The following ADCY10 variants were observed in gnomAD, a reference collection of about 807,000 sequenced individuals.
ADCY10 encodes adenylate cyclase type 10.
Under a neutral mutation model 183.3 loss-of-function variants are expected in ADCY10, and 156 were observed. The ratio of observed to expected loss-of-function variants is 0.85; its 90% CI spans 0.75 to 0.97. The LOEUF (loss-of-function observed/expected upper bound fraction) is 0.97, where lower values mean the gene tolerates loss of function less well. ADCY10 is among the 50% of genes least tolerant of loss of function. The probability of loss-of-function intolerance (pLI) is 0.00; values close to 1 mark genes in which losing one functional copy is unlikely to be tolerated. For synonymous variants in ADCY10, 645 were observed against 670.0 expected, an observed-to-expected ratio of 0.96 and a Z score of 0.58; for missense variants, 1,745 against 1,934.3, an observed-to-expected ratio of 0.90 and a Z score of 1.84.
chr1:167,863,208 C>T (rs533187998), intron 14 of ADCY10, among the ~76,000 whole-genome samples: 188 of 152,304 alleles, frequency 1.2e-3, no homozygotes, highest in Middle Eastern at 6.8e-3. Flanking sequence ...CCTGGGCCTG[C>T]CTGACCTAAG....
intron 18 of ADCY10, 36 bp from the exon 19 acceptor site, chr1:167,848,525 T>C: frequency 6.2e-7 from 1 of 1,611,540 alleles, no homozygotes; most frequent in Non-Finnish European, 8.5e-7. Context: ...AGTTGAGTCA[T>C]TATCCTGTCT....
intron 14 of ADCY10, among the ~76,000 whole-genome samples, chr1:167,864,195 G>T (rs918775421): frequency 6.6e-6 from 1 of 152,122 alleles, no homozygotes; most frequent in South Asian, 2.1e-4. Context: ...CTTTTTACCC[G>T]TTCTTTGTTT....
intron 1 of ADCY10, among the ~76,000 whole-genome samples, chr1:167,911,991 A>G (rs1670175099): frequency 6.6e-6 from 1 of 152,242 alleles, no homozygotes; most frequent in South Asian, 2.1e-4. Context: ...TCTAAAATAA[A>G]TATCTGGGAG....
chr1:167,848,223 G>A, intron 19 of ADCY10, 138 bp downstream of exon 19: 2 of 639,800 alleles, frequency 3.1e-6, no homozygotes, highest in Non-Finnish European at 5.4e-6. Context: ...TAATTTTTTT[G>A]TATTTTTAGT....
At chr1:167,912,423 C>T (rs1670210642) in intron 1 of ADCY10, among the ~76,000 whole-genome samples, 1 of 152,198 alleles carries the variant, frequency 6.6e-6, no homozygotes. Flanking sequence ...CCACATACTC[C>T]CACGTGTGTA....
chr1:167,862,661 A>G (rs922891672), intron 14 of ADCY10, among the ~76,000 whole-genome samples: 1 of 152,240 alleles, frequency 6.6e-6, no homozygotes, highest in African/African-American at 2.4e-5. Context: ...GAATTCAATT[A>G]ATGATTGAAT....
chr1:167,868,735 C>T (rs1278411005), intron 14 of ADCY10, among the ~76,000 whole-genome samples: 1 of 152,180 alleles, frequency 6.6e-6, no homozygotes, highest in Non-Finnish European at 1.5e-5. Context: ...AAAAGCGAAA[C>T]ATAGCCATAG....
At chr1:167,903,705 T>A (rs1011428416) in intron 3 of ADCY10, among the ~76,000 whole-genome samples, 182 bp downstream of exon 3, 2 of 152,222 alleles carry the variant, frequency 1.3e-5, no homozygotes, top group Non-Finnish European at 2.9e-5. Flanking sequence ...TTAGTGAGGT[T>A]TGATTATATT....
intron 1 of ADCY10, among the ~76,000 whole-genome samples, chr1:167,906,121 A>C (rs1669793553): frequency 6.6e-6 from 1 of 152,178 alleles, no homozygotes; most frequent in Non-Finnish European, 1.5e-5. Context: ...TAGAGGAAAA[A>C]ATTGAGACAG....
intron 14 of ADCY10, among the ~76,000 whole-genome samples, chr1:167,865,218 T>C (rs530538514): frequency 6.6e-5 from 10 of 152,182 alleles, no homozygotes; most frequent in Non-Finnish European, 1.2e-4. Context: ...AGAATGTGGA[T>C]TTTTACCTAC....
chr1:167,835,151 T>C (rs1387139922), intron 23 of ADCY10, among the ~76,000 whole-genome samples: 3 of 152,150 alleles, frequency 2.0e-5, no homozygotes, highest in Non-Finnish European at 4.4e-5. Context: ...TGAAGTCAGA[T>C]GAAGCAAGGG....
At chr1:167,865,798 T>C (rs1666635564) in intron 14 of ADCY10, among the ~76,000 whole-genome samples, 1 of 152,240 alleles carries the variant, frequency 6.6e-6, no homozygotes, top group Non-Finnish European at 1.5e-5. Flanking sequence ...GTTATGCTTG[T>C]GCACATGGCA....
intron 1 of ADCY10, among the ~76,000 whole-genome samples, chr1:167,906,431 A>T (rs1669821957): frequency 6.6e-6 from 1 of 152,110 alleles, no homozygotes; most frequent in Non-Finnish European, 1.5e-5. Flanking sequence ...AACAGTCAAT[A>T]GATAAAATTA....
intron 29 of ADCY10, 148 bp downstream of exon 29, chr1:167,822,860 C>T: frequency 1.4e-6 from 1 of 738,646 alleles, no homozygotes; most frequent in Non-Finnish European, 2.4e-6. Context: ...TGCTTCAGCT[C>T]ACACAACCAG....
intron 1 of ADCY10, among the ~76,000 whole-genome samples, chr1:167,912,936 G>A (rs1427269972): frequency 1.3e-5 from 2 of 152,194 alleles, no homozygotes; most frequent in African/African-American, 2.4e-5. Flanking sequence ...CCAGGTCTGT[G>A]GGACTTGAAA....
At chr1:167,849,599 C>A (rs111673715) in intron 18 of ADCY10, among the ~76,000 whole-genome samples, 16 of 152,294 alleles carry the variant, frequency 1.1e-4, no homozygotes, top group African/African-American at 3.4e-4. Flanking sequence ...TGAAGGCTAT[C>A]AATGTGAATA....
intron 8 of ADCY10, among the ~76,000 whole-genome samples, chr1:167,890,002 A>G (rs1285026218): frequency 6.6e-6 from 1 of 152,054 alleles, no homozygotes; most frequent in Non-Finnish European, 1.5e-5. Flanking sequence ...GTTTCCTCAA[A>G]CAGCTTTTTT....
intron 8 of ADCY10, among the ~76,000 whole-genome samples, chr1:167,884,153 G>T (rs1668059532): frequency 6.6e-6 from 1 of 152,122 alleles, no homozygotes; most frequent in Admixed American, 6.6e-5. Flanking sequence ...GGTTGTATTA[G>T]TCCGTTCTCC....
intron 8 of ADCY10, among the ~76,000 whole-genome samples, chr1:167,886,804 G>A (rs1218737301): frequency 6.6e-6 from 1 of 152,152 alleles, no homozygotes; most frequent in Non-Finnish European, 1.5e-5. Flanking sequence ...ATCTGACAAA[G>A]GGCTAATATC....
Sources: gnomAD v4.1 joint callset for allele counts (sites outside exome capture counted in the v4.1 genomes callset) on GRCh38, gnomAD v4.1.1 for gene constraint, MANE v1.5 for transcripts, NCBI Gene and HGNC (gene_info 2026-07-23, HGNC 2026-07-21) for gene names.